The following GPATCH8 variants were observed in gnomAD, a reference collection of about 807,000 sequenced individuals.
The protein encoded by GPATCH8 is G patch domain-containing protein 8.
GPATCH8 carries 18 observed loss-of-function variants against 118.3 expected under a neutral mutation model. The observed-to-expected ratio is 0.15, with a 90% CI of 0.11 to 0.23. The LOEUF is 0.23. GPATCH8 is among the 10% of genes least tolerant of loss of function. The pLI is 1.00. For missense variants in GPATCH8, 1,631 were observed against 1,873.8 expected (o/e 0.87, Z 2.39); for synonymous variants, 659 against 684.7 (o/e 0.96, Z 0.59).
At chr17:44,484,713 CTG>C (rs1417844693) in intron 1 of GPATCH8, among the ~76,000 whole-genome samples, 1 of 152,158 alleles carries the variant, frequency 6.6e-6, no homozygotes, top group African/African-American at 2.4e-5. Flanking sequence ...CTTCTTTTGG[CTG>C]TGAGTTTCAA....
At chr17:44,417,032 AT>A (rs531741765) in intron 6 of GPATCH8, among the ~76,000 whole-genome samples, 245 of 146,844 alleles carry the variant, frequency 1.7e-3, no homozygotes, top group Middle Eastern at 3.6e-3. Flanking sequence ...AGTTAAAGGA[AT>A]TTTTTTTTTT....
chr17:44,421,782 AGCG>A (rs2049914373), intron 6 of GPATCH8, among the ~76,000 whole-genome samples: 1 of 151,292 alleles, frequency 6.6e-6, no homozygotes, highest in South Asian at 2.1e-4. Context: ...GCTGAAGTAC[AGCG>A]ACATGATCTT....
intron 1 of GPATCH8, among the ~76,000 whole-genome samples, chr17:44,487,456 T>C (rs1038470171): frequency 6.6e-6 from 1 of 152,252 alleles, no homozygotes; most frequent in Non-Finnish European, 1.5e-5. Flanking sequence ...TAAAGAATGC[T>C]ATAAACATCC....
chr17:44,413,368 T>C (rs1218794792), intron 6 of GPATCH8, among the ~76,000 whole-genome samples: 2 of 151,930 alleles, frequency 1.3e-5, no homozygotes, highest in Non-Finnish European at 2.9e-5. Flanking sequence ...CCTCCCACAT[T>C]CAAGCGATTC....
At chr17:44,483,212 T>TATATATATATATAC (rs1968475637) in intron 1 of GPATCH8, among the ~76,000 whole-genome samples, 1 of 86,298 alleles carries the variant, frequency 1.2e-5, no homozygotes, top group Non-Finnish European at 2.2e-5. Context: ...TATATATATA[T>TATATATATATATAC]ATATACAGCC....
Position 44,400,623 on chromosome 17 carries a change from G to A in GPATCH8, c.1454C>T (p.Ala485Val), listed in dbSNP as rs267604906. ...CTGATCACTTACATCCCCTCCTAAG[G>A]CCTTCTTTGCCTCAGCTTTGCTTCC... ...EPGSKAEAKK[A>V]LGGDVSDQSL... The change falls in exon 8 of 8, where the codon GCC (alanine) becomes GTC (valine). Residue 485 changes from alanine to valine, a missense_variant. By Grantham distance (64) the Ala-to-Val change is moderately conservative. Transcript: ENST00000591680. The A allele has an allele frequency of 1.2e-6, 2 of 1,613,738 alleles. No homozygotes were observed. Among genetic ancestry groups the A allele is most frequent in the African/African-American group, 2.7e-5 (2 of 74,900 alleles).
chr17:44,470,799 C>A (rs770387260), intron 2 of GPATCH8, among the ~76,000 whole-genome samples: 17 of 152,200 alleles, frequency 1.1e-4, no homozygotes, highest in Non-Finnish European at 2.9e-5. Context: ...TGAGCCCCTG[C>A]GCCCAATTCC....
rs1968052114 is a variant in GPATCH8 at position 44,479,633 on chromosome 17, A to G, written c.46-4730T>C. On this transcript the variant is annotated intron_variant, in intron 1 of 7. Coordinates refer to ENST00000591680, the MANE Select transcript of GPATCH8 (RefSeq NM_001002909.4). ...CTTTGTGACCACAGGCTAGGCAAAT[A>G]TTTTCGTAGAGACAACCCCAAAGCA... Among the ~76,000 whole-genome samples the G allele has an allele frequency of 2.0e-5, 3 of 152,180 alleles. 1 individual carries two copies. The highest frequency in any genetic ancestry group is 7.2e-5 in the African/African-American group (3 of 41,464).
rs1189343887 is a variant in GPATCH8, at chr17:44,437,963, A to AC, written c.194-1419_194-1418insG. Among the ~76,000 whole-genome samples the AC allele has an allele frequency of 1.2e-4, 17 of 145,850 alleles. 1 individual carries two copies. The highest frequency in any genetic ancestry group is 2.1e-4 in the Admixed American group (3 of 14,578). ...CATGTCAGAAAAAAAAAAAAAACAA[A>AC]ACAACAACTTCTAGAATACAGCCTT... On this transcript the variant is annotated intron_variant, in intron 3 of 7. Transcript: ENST00000591680.
chr17:44,447,723 C>T (rs2050939913), intron 3 of GPATCH8, among the ~76,000 whole-genome samples: 1 of 151,376 alleles, frequency 6.6e-6, no homozygotes, highest in Admixed American at 6.6e-5. Flanking sequence ...AACTCCTGGG[C>T]TCAAGCAATC....
chr17:44,400,611 T>A lies in GPATCH8; in HGVS notation c.1466A>T (p.Asp489Val). Residue 489 changes from aspartate to valine, a missense_variant, in exon 8 of 8, where the codon GAT becomes GTT. By Grantham distance (152) the Asp-to-Val change is radical. Coordinates refer to ENST00000591680, the MANE Select transcript of GPATCH8 (RefSeq NM_001002909.4). ...ACTTTCTAAACTCTGATCACTTACA[T>A]CCCCTCCTAAGGCCTTCTTTGCCTC... ...KAEAKKALGG[D>V]VSDQSLESHS... 1 of 1,614,108 alleles carries A rather than the reference T, an allele frequency of 6.2e-7. No individual in the cohort carries two copies. Among genetic ancestry groups the A allele is most frequent in the Non-Finnish European group, 8.5e-7 (1 of 1,179,936 alleles).
chr17:44,427,361 T>C (rs938675979), intron 5 of GPATCH8, among the ~76,000 whole-genome samples: 3 of 151,964 alleles, frequency 2.0e-5, no homozygotes, highest in Admixed American at 6.6e-5. Context: ...CAAGAAACAC[T>C]GTTTGCACAA....
chr17:44,490,500 A>T (rs1049963719), intron 1 of GPATCH8, among the ~76,000 whole-genome samples: 3 of 152,170 alleles, frequency 2.0e-5, no homozygotes, highest in Admixed American at 2.0e-4. Context: ...TAAATTTAAA[A>T]AAATGATGAC....
chr17:44,411,276 G>C (rs1021792932), intron 6 of GPATCH8, among the ~76,000 whole-genome samples: 1 of 152,266 alleles, frequency 6.6e-6, no homozygotes, highest in Non-Finnish European at 1.5e-5. Context: ...CAATAGTCAA[G>C]AGCAACAGTG....
At chr17:44,474,987 T>C in intron 1 of GPATCH8, 84 bp from the exon 2 acceptor site, 1 of 732,486 alleles carries the variant, frequency 1.4e-6, no homozygotes, top group Admixed American at 2.1e-5. Context: ...AGGATTATTT[T>C]TAACTTTTCT....
At chr17:44,474,467 C>A in intron 2 of GPATCH8, 2 of 304,270 alleles carry the variant, frequency 6.6e-6, no homozygotes, top group Admixed American at 4.7e-5. Flanking sequence ...ACATTTCATA[C>A]ATAATTATAT....
intron 3 of GPATCH8, among the ~76,000 whole-genome samples, chr17:44,453,173 A>T (rs962070716): frequency 2.0e-5 from 3 of 152,148 alleles, no homozygotes; most frequent in Non-Finnish European, 4.4e-5. Context: ...CTCTGCTCTG[A>T]TCAAGGTGTC....
rs1366725600 is a variant in GPATCH8, at chr17:44,396,776, T to C, written c.*792A>G. On this transcript the variant is annotated 3_prime_UTR_variant, in exon 8 of 8. Coordinates refer to ENST00000591680, the MANE Select transcript of GPATCH8 (RefSeq NM_001002909.4). Reference sequence around the variant, plus strand: ...ATAGAGTTCAGTGCAATTTTTTACATTAAAAAAATCCTATAAATTAAGAAG... The same window carrying C: ...ATAGAGTTCAGTGCAATTTTTTACACTAAAAAAATCCTATAAATTAAGAAG... The C allele has an allele frequency of 2.2e-6, 1 of 453,868 alleles. No homozygotes were observed. The highest frequency in any genetic ancestry group is 4.4e-6 in the Non-Finnish European group (1 of 226,686). The allele number at this position is 453,868 out of a possible 1,614,324, so 28.1% of individuals were successfully genotyped here.
chr17:44,461,689 C>CT (rs2051554100), intron 3 of GPATCH8, among the ~76,000 whole-genome samples: 1 of 151,752 alleles, frequency 6.6e-6, no homozygotes, highest in Non-Finnish European at 1.5e-5. Context: ...AAATTCTAAA[C>CT]TGTTTTTTTT....
Sources: allele counts gnomAD v4.1 joint callset (sites outside exome capture counted in the v4.1 genomes callset), GRCh38; gene constraint gnomAD v4.1.1; transcripts MANE v1.5; gene names NCBI Gene and HGNC (gene_info 2026-07-23, HGNC 2026-07-21).